Variants in NKAIN2 observed in about 807,000 individuals in gnomAD.
The protein encoded by NKAIN2 is sodium/potassium transporting ATPase interacting 2.
A neutral mutation model predicts 32.6 loss-of-function variants in NKAIN2; 14 were observed. The ratio of observed to expected loss-of-function variants is 0.43; its 90% confidence interval spans 0.28 to 0.67. The LOEUF is 0.67. Ranked by LOEUF, NKAIN2 falls within the 30% of genes least tolerant of loss-of-function variation. The probability of loss-of-function intolerance (pLI) is 0.17; values close to 1 mark genes in which losing one functional copy is unlikely to be tolerated. For missense variants in NKAIN2, 198 were observed against 258.3 expected (o/e 0.77, Z 1.60); for synonymous variants, 80 against 87.2 (o/e 0.92, Z 0.46).
At chr6:124,353,721 C>T (rs1798837005) in intron 2 of NKAIN2, among the ~76,000 whole-genome samples, 1 of 150,812 alleles carries the variant, frequency 6.6e-6, no homozygotes, top group Non-Finnish European at 1.5e-5. Flanking sequence ...CGCCACTGCA[C>T]TCCAGCCTGG....
intron 1 of NKAIN2, among the ~76,000 whole-genome samples, chr6:123,897,436 GATTATT>G (rs941292930): frequency 1.3e-5 from 2 of 152,016 alleles, no homozygotes; most frequent in Non-Finnish European, 2.9e-5. Context: ...AATGCTTTTT[GATTATT>G]AAGTCTTTCC....
intron 2 of NKAIN2, among the ~76,000 whole-genome samples, chr6:124,331,678 C>G (rs368067883): frequency 6.6e-6 from 1 of 152,168 alleles, no homozygotes; most frequent in South Asian, 2.1e-4. Flanking sequence ...TGTGGCCCTG[C>G]ATTTGCAAGA....
intron 1 of NKAIN2, among the ~76,000 whole-genome samples, chr6:124,246,929 A>G (rs1793439165): frequency 6.6e-6 from 1 of 152,068 alleles, no homozygotes; most frequent in Admixed American, 6.6e-5. Flanking sequence ...TACAACCAAG[A>G]TGTTTACAGG....
At chr6:124,809,613 C>A (rs1343095832) in intron 5 of NKAIN2, among the ~76,000 whole-genome samples, 22 of 149,958 alleles carry the variant, frequency 1.5e-4, no homozygotes, top group East Asian at 4.0e-4. Context: ...CAATGGCAAC[C>A]AAAGCCAAAA....
chr6:124,151,435 G>A (rs1787717070), intron 1 of NKAIN2, among the ~76,000 whole-genome samples: 1 of 151,938 alleles, frequency 6.6e-6, no homozygotes, highest in Admixed American at 6.6e-5. Context: ...GGATGCATAT[G>A]TGGTTTTTTT....
chr6:124,258,360 T>C (rs1167423419), intron 1 of NKAIN2, among the ~76,000 whole-genome samples: 1 of 152,176 alleles, frequency 6.6e-6, no homozygotes, highest in Non-Finnish European at 1.5e-5. Flanking sequence ...ATGGAGGTGA[T>C]TTTTATTCAT....
intron 1 of NKAIN2, among the ~76,000 whole-genome samples, chr6:123,895,794 G>A (rs943823005): frequency 7.2e-5 from 11 of 152,156 alleles, no homozygotes; most frequent in Admixed American, 1.3e-4. Context: ...AAGGCCAGAC[G>A]CATAAGAAAG....
intron 3 of NKAIN2, among the ~76,000 whole-genome samples, chr6:124,463,572 C>T (rs573018254): frequency 9.9e-5 from 15 of 152,146 alleles, no homozygotes; most frequent in South Asian, 6.2e-4. Flanking sequence ...GCCTGTGCAT[C>T]GCCCTATCTC....
intron 3 of NKAIN2, among the ~76,000 whole-genome samples, chr6:124,603,599 G>C (rs1782387393): frequency 6.6e-6 from 1 of 151,896 alleles, no homozygotes; most frequent in African/African-American, 2.4e-5. Context: ...TAACTAAGCT[G>C]CCTCAGAATT....
chr6:124,473,841 C>G (rs746991006), intron 3 of NKAIN2, among the ~76,000 whole-genome samples: 1 of 152,060 alleles, frequency 6.6e-6, no homozygotes, highest in East Asian at 1.9e-4. Context: ...TTAAGCCATG[C>G]GTCAAAACCT....
chr6:124,413,181 C>T (rs1210011038), intron 3 of NKAIN2, among the ~76,000 whole-genome samples: 3 of 152,196 alleles, frequency 2.0e-5, no homozygotes, highest in Admixed American at 2.0e-4. Context: ...ACCCCATGTC[C>T]TGCAGCCACT....
At chr6:124,381,334 TATTC>T (rs1170378628) in intron 3 of NKAIN2, among the ~76,000 whole-genome samples, 1 of 152,192 alleles carries the variant, frequency 6.6e-6, no homozygotes, top group Non-Finnish European at 1.5e-5. Context: ...TATCTATAAA[TATTC>T]ATAGCTATCA....
intron 2 of NKAIN2, among the ~76,000 whole-genome samples, chr6:124,302,236 C>G (rs571976608): frequency 6.6e-6 from 1 of 152,180 alleles, no homozygotes; most frequent in Non-Finnish European, 1.5e-5. Flanking sequence ...TGAGGCCTCC[C>G]GGCCATGTGA....
intron 1 of NKAIN2, among the ~76,000 whole-genome samples, chr6:123,891,242 T>A (rs908617202): frequency 3.9e-5 from 6 of 152,186 alleles, no homozygotes; most frequent in Non-Finnish European, 8.8e-5. Flanking sequence ...CTGGAGATCA[T>A]GAAAAAGTTC....
At chr6:124,740,996 A>T (rs1777180435) in intron 4 of NKAIN2, among the ~76,000 whole-genome samples, 1 of 151,806 alleles carries the variant, frequency 6.6e-6, no homozygotes, top group African/African-American at 2.4e-5. Context: ...GCAAAGCAGA[A>T]AAAACAGAAA....
chr6:124,645,784 G>A (rs1283825099), intron 3 of NKAIN2, among the ~76,000 whole-genome samples: 1 of 152,184 alleles, frequency 6.6e-6, no homozygotes, highest in East Asian at 1.9e-4. Flanking sequence ...AAATCTTTAA[G>A]TCATCCTCAC....
chr6:124,600,602 G>A (rs1782268146), intron 3 of NKAIN2, among the ~76,000 whole-genome samples: 1 of 151,974 alleles, frequency 6.6e-6, no homozygotes, highest in Admixed American at 6.6e-5. Flanking sequence ...TCCATGGGTA[G>A]CAGCAAAGAG....
intron 3 of NKAIN2, among the ~76,000 whole-genome samples, chr6:124,411,453 C>A (rs1281433924): frequency 1.3e-5 from 2 of 151,976 alleles, no homozygotes; most frequent in African/African-American, 2.4e-5. Flanking sequence ...CTTAGTTTGG[C>A]TGGATATGAA....
At chr6:124,434,733 T>C (rs1165722666) in intron 3 of NKAIN2, among the ~76,000 whole-genome samples, 1 of 152,210 alleles carries the variant, frequency 6.6e-6, no homozygotes, top group Non-Finnish European at 1.5e-5. Flanking sequence ...ATGAGTATGA[T>C]GCCAGTTGCT....
Sources: allele counts gnomAD v4.1 joint callset (sites outside exome capture counted in the v4.1 genomes callset), GRCh38; gene constraint gnomAD v4.1.1; transcripts MANE v1.5; gene names NCBI Gene and HGNC (gene_info 2026-07-23, HGNC 2026-07-21).